CIB4: variants seen among roughly 807,000 people sequenced by gnomAD.
The protein encoded by CIB4 is calcium and integrin binding family member 4, also known as calcium and integrin-binding family member 4.
In CIB4, 25 loss-of-function variants were observed where a neutral mutation model predicts 25.8. That is an observed-to-expected ratio of 0.97 (90% CI 0.71 to 1.35). The LOEUF is 1.35. Ranked by LOEUF, CIB4 falls within the 40% of genes most tolerant of loss-of-function variation. CIB4 has a pLI of 0.00. For synonymous variants in CIB4, 75 were observed against 81.4 expected (o/e 0.92, Z 0.42); for missense variants, 235 against 228.2 (o/e 1.03, Z -0.19).
At chr2:26,595,497 C>T (rs966237016) in intron 3 of CIB4, among the ~76,000 whole-genome samples, 180 bp from the exon 4 acceptor site, 3 of 152,116 alleles carry the variant, frequency 2.0e-5, no homozygotes, top group Admixed American at 2.0e-4. Flanking sequence ...GATGGGGTGC[C>T]GGGGATGAAT....
intron 4 of CIB4, among the ~76,000 whole-genome samples, chr2:26,593,310 GTGTGTGTGTGTGTATA>G (rs1668618942): frequency 6.6e-6 from 1 of 151,850 alleles, no homozygotes; most frequent in Admixed American, 6.6e-5. Flanking sequence ...AGAGATATGT[GTGTGTGTGTGTGTATA>G]TGTGTGTGTG....
intron 3 of CIB4, among the ~76,000 whole-genome samples, chr2:26,603,040 A>C (rs1572552038): frequency 9.6e-6 from 1 of 104,206 alleles, no homozygotes; most frequent in African/African-American, 3.8e-5. Context: ...ATAGAGCAAG[A>C]CCCTGTCTCT....
chr2:26,581,345 C>A lies in CIB4; in HGVS notation c.*18G>T. ...GTGGTCTCCCTCGAGGCTGCCATGT[C>A]AGGTGTTTGCCGCTACATCAGCATC... is the stretch of plus-strand genomic sequence containing the variant. On this transcript the variant is annotated 3_prime_UTR_variant, in exon 7 of 7. Coordinates refer to ENST00000288861, the MANE Select transcript of CIB4 (RefSeq NM_001029881.3). The A allele has an allele frequency of 6.2e-7, 1 of 1,610,434 alleles. No individual in the cohort carries two copies.
intron 2 of CIB4, among the ~76,000 whole-genome samples, chr2:26,632,935 T>A (rs188054026): frequency 2.1e-4 from 32 of 152,212 alleles, no homozygotes; most frequent in Admixed American, 3.9e-4. Context: ...GGTTTTTTTT[T>A]AAATCCCTAA....
chr2:26,629,775 G>T (rs1669381147), intron 2 of CIB4, among the ~76,000 whole-genome samples: 2 of 152,214 alleles, frequency 1.3e-5, no homozygotes, highest in South Asian at 4.1e-4. Flanking sequence ...TGAGAGGAAA[G>T]TTAGGCGAAT....
chr2:26,608,662 C>T (rs769742696), intron 3 of CIB4, among the ~76,000 whole-genome samples: 3 of 152,250 alleles, frequency 2.0e-5, no homozygotes, highest in Admixed American at 1.3e-4. Context: ...GGTGGCGATG[C>T]GATGGGGGCT....
chr2:26,627,263 C>G lies in CIB4; in HGVS notation c.186+2147G>C, dbSNP rs764336833. Among the ~76,000 whole-genome samples, 2 of 152,208 alleles carry G rather than the reference C, an allele frequency of 1.3e-5. No individual in the cohort carries two copies. Among genetic ancestry groups the G allele is most frequent in the Non-Finnish European group, 2.9e-5 (2 of 68,040 alleles). On this transcript the variant is annotated intron_variant, in intron 3 of 6. Transcript: ENST00000288861. This position sits in a 1 kb window ranked among gnomAD's most constrained non-coding sequence, Gnocchi z 4.0. Reference sequence around the variant, plus strand: ...GGCTCTGCCTGGGCCAGAGTTCAAGCTGACTCCCCCAGAGCAGGAACTAGT... The same window carrying G: ...GGCTCTGCCTGGGCCAGAGTTCAAGGTGACTCCCCCAGAGCAGGAACTAGT...
At chr2:26,608,664 A>T (rs943657225) in intron 3 of CIB4, among the ~76,000 whole-genome samples, 2 of 152,264 alleles carry the variant, frequency 1.3e-5, no homozygotes, top group South Asian at 4.1e-4. Context: ...TGGCGATGCG[A>T]TGGGGGCTGT....
intron 3 of CIB4, among the ~76,000 whole-genome samples, chr2:26,614,679 T>C (rs531439301): frequency 4.6e-5 from 7 of 152,330 alleles, no homozygotes; most frequent in Non-Finnish European, 7.4e-5. Flanking sequence ...TATTCCCGTC[T>C]TGACTCACAT....
At chr2:26,581,736 G>A (rs1229876665) in intron 6 of CIB4, among the ~76,000 whole-genome samples, 1 of 152,200 alleles carries the variant, frequency 6.6e-6, no homozygotes, top group South Asian at 2.1e-4. Context: ...CTTTGGCTGG[G>A]GTGGTCCCAA....
intron 4 of CIB4, among the ~76,000 whole-genome samples, chr2:26,588,073 C>T (rs1229602599): frequency 6.6e-6 from 1 of 152,234 alleles, no homozygotes; most frequent in East Asian, 1.9e-4. Flanking sequence ...GCTCTGCTAC[C>T]ACCTCCATGG....
intron 4 of CIB4, among the ~76,000 whole-genome samples, chr2:26,584,730 T>A (rs911534344): frequency 6.6e-6 from 1 of 152,126 alleles, no homozygotes; most frequent in Admixed American, 6.5e-5. Context: ...ACATTTCACA[T>A]CCCCCTGTAA....
At chr2:26,609,205 T>A (rs1668950186) in intron 3 of CIB4, among the ~76,000 whole-genome samples, 2 of 152,308 alleles carry the variant, frequency 1.3e-5, no homozygotes, top group Admixed American at 6.5e-5. Flanking sequence ...GGGACGCCCC[T>A]CTGGTCTGAA....
At chr2:26,615,803 GCTT>G in intron 3 of CIB4, among the ~76,000 whole-genome samples, 1 of 152,240 alleles carries the variant, frequency 6.6e-6, no homozygotes, top group East Asian at 1.9e-4. Context: ...ACATCACTGA[GCTT>G]TTTCTGAAAC....
chr2:26,590,258 T>TAAAAA lies in CIB4; in HGVS notation c.328+4913_328+4917dup, dbSNP rs869097756. Reference sequence around the variant, plus strand: ...CCTGGAGCTGGGGCCCAAGCATCTGTAAAAAAAAAAAAAAAAAAAAAAAAA... The same window carrying TAAAAA: ...CCTGGAGCTGGGGCCCAAGCATCTGTAAAAAAAAAAAAAAAAAAAAAAAAAAAAAA... On this transcript the variant is annotated intron_variant, in intron 4 of 6. Coordinates refer to ENST00000288861, the MANE Select transcript of CIB4 (RefSeq NM_001029881.3). Among the ~76,000 whole-genome samples the TAAAAA allele has an allele frequency of 3.7e-3, 226 of 61,818 alleles. 29 individuals are homozygous for TAAAAA. The highest frequency in any genetic ancestry group is 0.015 in the African/African-American group (206 of 13,674). 40.6% of individuals were successfully genotyped at this position (61,818 alleles called of 152,430 possible). A position where few individuals can be genotyped will look rare whatever the true frequency, so the allele number is the denominator to read the frequency against.
intron 3 of CIB4, among the ~76,000 whole-genome samples, chr2:26,615,296 A>G (rs1441260606): frequency 1.3e-5 from 2 of 152,210 alleles, no homozygotes; most frequent in African/African-American, 4.8e-5. Flanking sequence ...CAGGAGTCGA[A>G]CAAACTGCAG....
At chr2:26,599,812 C>T (rs1165707604) in intron 3 of CIB4, among the ~76,000 whole-genome samples, 2 of 152,162 alleles carry the variant, frequency 1.3e-5, no homozygotes, top group African/African-American at 2.4e-5. Context: ...TGGTGGCTCA[C>T]ACCTGTAATC....
chr2:26,600,014 A>G (rs1668751892), intron 3 of CIB4, among the ~76,000 whole-genome samples: 1 of 143,512 alleles, frequency 7.0e-6, no homozygotes, highest in Non-Finnish European at 1.5e-5. Flanking sequence ...CAGAGGTTGC[A>G]GTGAACCAAG....
intron 3 of CIB4, among the ~76,000 whole-genome samples, chr2:26,595,553 A>G (rs1668666674): frequency 6.6e-6 from 1 of 152,246 alleles, no homozygotes; most frequent in African/African-American, 2.4e-5. Flanking sequence ...CAAGGATGCC[A>G]CAATTGAAGA....
Sources: allele counts gnomAD v4.1 joint callset (sites outside exome capture counted in the v4.1 genomes callset), GRCh38; gene constraint gnomAD v4.1.1; non-coding constraint Gnocchi (gnomAD v3.1); transcripts MANE v1.5; gene names NCBI Gene and HGNC (gene_info 2026-07-23, HGNC 2026-07-21).